Variants in MEOX1 observed in about 807,000 individuals in gnomAD.
MEOX1 encodes mesenchyme homeobox 1, also known as homeobox protein MOX-1.
Under a neutral mutation model 23.2 loss-of-function variants are expected in MEOX1, and 17 were observed. The ratio of observed to expected loss-of-function variants is 0.73; its 90% confidence interval spans 0.50 to 1.10. MEOX1 has a LOEUF of 1.10. Among genes scored for constraint, MEOX1 ranks in the 50% least tolerant of loss-of-function variants. MEOX1 has a pLI of 0.00. For missense variants in MEOX1, 333 were observed against 332.2 expected (o/e 1.00, Z -0.02); for synonymous variants, 134 against 135.1 (o/e 0.99, Z 0.06).
intron 1 of MEOX1, among the ~76,000 whole-genome samples, chr17:43,646,356 TC>T (rs1235022776): frequency 6.6e-6 from 1 of 152,084 alleles, no homozygotes; most frequent in Non-Finnish European, 1.5e-5. Flanking sequence ...ATGACGGGCT[TC>T]CCGGAGCACA....
intron 1 of MEOX1, among the ~76,000 whole-genome samples, chr17:43,660,376 C>T (rs978608724): frequency 6.6e-6 from 1 of 152,196 alleles, no homozygotes; most frequent in Non-Finnish European, 1.5e-5. Context: ...CAGCTCCTTG[C>T]GGGGCTGCCT....
intron 1 of MEOX1, among the ~76,000 whole-genome samples, chr17:43,659,671 C>G (rs1973104001): frequency 6.6e-6 from 1 of 152,136 alleles, no homozygotes; most frequent in South Asian, 2.1e-4. Flanking sequence ...TGACCCCATT[C>G]TTTCTGTGTT....
At chr17:43,644,800 C>T (rs779174254) in intron 1 of MEOX1, among the ~76,000 whole-genome samples, 8 of 152,086 alleles carry the variant, frequency 5.3e-5, no homozygotes, top group Non-Finnish European at 8.8e-5. Flanking sequence ...CCTGTAATCC[C>T]AACTACTTGG....
At chr17:43,657,089 TTCTTTTTCTTTCTC>T in intron 1 of MEOX1, among the ~76,000 whole-genome samples, 1 of 150,352 alleles carries the variant, frequency 6.7e-6, no homozygotes, top group South Asian at 2.1e-4. Context: ...TTTTCTTTCT[TTCTTTTTCTTTCTC>T]TCTTTTTCTC....
intron 1 of MEOX1, among the ~76,000 whole-genome samples, chr17:43,649,440 G>A (rs1972874459): frequency 6.6e-6 from 1 of 151,988 alleles, no homozygotes; most frequent in Non-Finnish European, 1.5e-5. Flanking sequence ...TGGAGTAGCT[G>A]GGATTATGGG....
At chr17:43,642,888 G>A (rs912915483) in intron 2 of MEOX1, among the ~76,000 whole-genome samples, 9 of 152,200 alleles carry the variant, frequency 5.9e-5, no homozygotes, top group East Asian at 1.9e-4. Context: ...TAGCCAGACC[G>A]TAGGTCCCAA....
chr17:43,643,431 G>A, intron 2 of MEOX1, 57 bp downstream of exon 2: 1 of 1,454,692 alleles, frequency 6.9e-7, no homozygotes, highest in Non-Finnish European at 9.3e-7. Context: ...GGTGGGAAAG[G>A]AGGGAAGGGA....
At position 43,661,623 on chromosome 17, in the gene MEOX1, A is replaced by T. The variant is rs546324469; in HGVS notation, c.-89T>A. 1.5e-4 allele frequency: 126 copies of T among 834,786 alleles called. 1 individual carries two copies. The South Asian group carries it at 2.6e-3, about 17-fold the overall frequency. The allele number at this position is 834,786 out of a possible 1,614,324, so 51.7% of individuals were successfully genotyped here. On this transcript the variant is annotated 5_prime_UTR_variant, in exon 1 of 3. Coordinates refer to ENST00000318579, the MANE Select transcript of MEOX1 (RefSeq NM_004527.4). ...ATTTTTAAAAATGCAAAAGAAAAAAAACTAAATAGGAGGGAAAAATGTTCA... is the reference window on the plus strand; with the variant it reads ...ATTTTTAAAAATGCAAAAGAAAAAATACTAAATAGGAGGGAAAAATGTTCA...
chr17:43,645,150 G>C lies in MEOX1; in HGVS notation c.470-1490C>G, dbSNP rs916200929. ...GAGCCCGGGGCTCTAACATTTAAAA[G>C]ACGTTTGCTTCATTAATTATCTTTT... On this transcript the variant is annotated intron_variant, in intron 1 of 2. Coordinates refer to ENST00000318579, the MANE Select transcript of MEOX1 (RefSeq NM_004527.4). Among the ~76,000 whole-genome samples the C allele has an allele frequency of 1.5e-4, 23 of 149,174 alleles. 1 individual carries two copies. Among genetic ancestry groups the C allele is most frequent in the Admixed American group, 1.5e-3 (23 of 14,996 alleles).
intron 1 of MEOX1, among the ~76,000 whole-genome samples, chr17:43,654,971 G>C (rs1972988082): frequency 6.6e-6 from 1 of 152,092 alleles, no homozygotes; most frequent in African/African-American, 2.4e-5. Context: ...AGAATGGCAT[G>C]AACCCGGGAG....
rs575897857 is a variant in MEOX1, at chr17:43,643,184, A to G, written c.642+304T>C. The stretch of plus-strand genomic sequence containing the variant: ...AAAAATTAGCCGGGCGTGGTGGCGC[A>G]CGCCAGTAGCCCAGCTACTTGGGAG... On this transcript the variant is annotated intron_variant, in intron 2 of 2. Transcript: ENST00000318579. 5.9e-4 allele frequency among the ~76,000 whole-genome samples: 90 copies of G among 152,212 alleles called. No homozygotes were observed. The South Asian group carries it at 0.018, about 31-fold the overall frequency.
At position 43,661,591 on chromosome 17, in the gene MEOX1, T is replaced by C. The variant is rs921889076; in HGVS notation, c.-57A>G. The C allele has an allele frequency of 1.4e-5, 14 of 1,018,982 alleles. No individual in the cohort carries two copies. The highest frequency in any genetic ancestry group is 3.4e-5 in the African/African-American group (2 of 59,604). 63.1% of individuals were successfully genotyped at this position (1,018,982 alleles called of 1,614,324 possible). ...AAGATTTGATTCTTTATACTTTTTA[T>C]GTTCAAATTTTTAAAAATGCAAAAG... On this transcript the variant is annotated 5_prime_UTR_variant, in exon 1 of 3. Transcript: ENST00000318579.
Position 43,642,015 on chromosome 17 carries a change from C to T in MEOX1, c.660G>A (p.Gln220=). ...LSERQVKVWF[Q]NRRMKWKRVK... ...CACGCTTCCACTTCATCCTTCGGTT[C>T]TGGAACCACACTTTGACCTGGGGGA... Residue 220 remains glutamine, a synonymous_variant, in exon 3 of 3, where the codon CAG becomes CAA. Transcript: ENST00000318579. 6.2e-7 allele frequency: 1 copy of T among 1,613,774 alleles called. No individual in the cohort carries two copies. The highest frequency in any genetic ancestry group is 1.3e-5 in the African/African-American group (1 of 75,052).
intron 2 of MEOX1, among the ~76,000 whole-genome samples, chr17:43,642,787 C>G (rs1259896652): frequency 6.6e-6 from 1 of 152,144 alleles, no homozygotes; most frequent in East Asian, 1.9e-4. Context: ...CTCAGGCCCA[C>G]TCATTATGGT....
chr17:43,642,565 C>T (rs1215071130), intron 2 of MEOX1, among the ~76,000 whole-genome samples: 5 of 152,152 alleles, frequency 3.3e-5, no homozygotes, highest in Non-Finnish European at 7.3e-5. Flanking sequence ...ATTCAATATC[C>T]AGCCCTCTGG....
At chr17:43,656,265 G>A (rs1425707534) in intron 1 of MEOX1, among the ~76,000 whole-genome samples, 2 of 152,142 alleles carry the variant, frequency 1.3e-5, no homozygotes, top group Non-Finnish European at 2.9e-5. Flanking sequence ...GACTTCAACA[G>A]GCAGAAGTAC....
Position 43,658,711 on chromosome 17 carries a change from C to T in MEOX1, c.469+2355G>A, listed in dbSNP as rs558755190. ...TTCCTGGAGTAGGTCATGAGCCTTG[C>T]GTCACTTTCCCCCTTCTTTGGGCTC... On this transcript the variant is annotated intron_variant, in intron 1 of 2. Coordinates refer to ENST00000318579, the MANE Select transcript of MEOX1 (RefSeq NM_004527.4). 3.3e-5 allele frequency among the ~76,000 whole-genome samples: 5 copies of T among 152,238 alleles called. No homozygotes were observed. In the South Asian group the frequency reaches 6.2e-4, roughly 19 times the overall value.
chr17:43,656,684 A>C (rs533630564), intron 1 of MEOX1, among the ~76,000 whole-genome samples: 1 of 152,288 alleles, frequency 6.6e-6, no homozygotes, highest in South Asian at 2.1e-4. Flanking sequence ...TGGCTTTCCC[A>C]GGCGGGCGAT....
At chr17:43,651,552 GA>G (rs59890466) in intron 1 of MEOX1, among the ~76,000 whole-genome samples, 4 of 150,260 alleles carry the variant, frequency 2.7e-5, no homozygotes, top group Admixed American at 6.6e-5. Flanking sequence ...AAACAAGGGG[GA>G]AAAAAAAAGA....
Sources: gnomAD v4.1 joint callset for allele counts (sites outside exome capture counted in the v4.1 genomes callset) on GRCh38, gnomAD v4.1.1 for gene constraint, MANE v1.5 for transcripts, NCBI Gene and HGNC (gene_info 2026-07-23, HGNC 2026-07-21) for gene names.